Variants in ADAMTS17 observed in about 807,000 individuals in gnomAD.
ADAMTS17 encodes the protein A disintegrin and metalloproteinase with thrombospondin motifs 17.
ADAMTS17 carries 113 observed loss-of-function variants against 141.5 expected under a neutral mutation model. The observed-to-expected ratio is 0.80, with a 90% CI of 0.69 to 0.93. The LOEUF is 0.93. Among genes scored for constraint, ADAMTS17 ranks in the 40% least tolerant of loss-of-function variants. ADAMTS17 has a pLI of 0.00. For synonymous variants in ADAMTS17, 768 were observed against 630.6 expected, an observed-to-expected ratio of 1.22 and a Z score of -3.27; for missense variants, 1,659 against 1,517.9, an observed-to-expected ratio of 1.09 and a Z score of -1.54.
chr15:100,099,093 G>T (rs1040700936), intron 14 of ADAMTS17, among the ~76,000 whole-genome samples: 3 of 152,202 alleles, frequency 2.0e-5, no homozygotes, highest in African/African-American at 7.2e-5. Flanking sequence ...GTTTCCTCCA[G>T]CCCCAAAGAA....
At chr15:100,239,291 G>A (rs796634284) in intron 7 of ADAMTS17, among the ~76,000 whole-genome samples, 7 of 152,302 alleles carry the variant, frequency 4.6e-5, no homozygotes, top group East Asian at 1.9e-4. Flanking sequence ...AGACCATGAC[G>A]TTCTCAGCAG....
chr15:100,064,277 G>C (rs562082237), intron 15 of ADAMTS17, among the ~76,000 whole-genome samples: 1 of 152,126 alleles, frequency 6.6e-6, no homozygotes. Context: ...ATCCTCCCTC[G>C]TGACCTGCAG....
rs1302875991 is a variant in ADAMTS17, at chr15:99,973,707, T to A, written c.*695A>T. On this transcript the variant is annotated 3_prime_UTR_variant, in exon 22 of 22. Coordinates refer to ENST00000268070, the MANE Select transcript of ADAMTS17 (RefSeq NM_139057.4). The stretch of plus-strand genomic sequence containing the variant: ...ATTAGATGCTTCCCCAAACCCAGAC[T>A]CTCTTGGAACATTCTTCCCATGCGG... 2 of 154,790 alleles carry A rather than the reference T, an allele frequency of 1.3e-5. No individual in the cohort carries two copies. 9.6% of individuals were successfully genotyped at this position (154,790 alleles called of 1,614,324 possible).
chr15:100,254,700 T>C (rs112357954), intron 6 of ADAMTS17, among the ~76,000 whole-genome samples: 14,027 of 152,226 alleles, frequency 0.092, 1,236 homozygotes, highest in African/African-American at 0.23. Flanking sequence ...TGCAGGGACA[T>C]GGATGGAGCT....
intron 2 of ADAMTS17, among the ~76,000 whole-genome samples, chr15:100,337,209 C>T (rs2046233456): frequency 6.6e-6 from 1 of 152,216 alleles, no homozygotes; most frequent in African/African-American, 2.4e-5. Context: ...ACACTTGCTC[C>T]CCTATAAATT....
In ADAMTS17 at chr15:100,341,359, G is replaced by T; in HGVS notation, c.130C>A (p.Arg44Ser). The change falls in exon 2 of 22, where the codon CGC becomes AGC. Residue 44 changes from arginine (R) to serine (S), a missense_variant. Arg to Ser is a moderately radical substitution (Grantham distance 110). Coordinates refer to ENST00000268070, the MANE Select transcript of ADAMTS17 (RefSeq NM_139057.4). ...DVEVVLPWRV[R>S]PDDVHLPPLP... ...GGCGGCAGGTGCACGTCGTCGGGGC[G>T]CACCCGCCACGGGAGCACCACCTCC... 1 of 1,018,118 alleles carries T rather than the reference G, an allele frequency of 9.8e-7. No homozygotes were observed. Among genetic ancestry groups the T allele is most frequent in the Non-Finnish European group, 1.2e-6 (1 of 853,380 alleles). The allele number at this position is 1,018,118 out of a possible 1,614,324, so 63.1% of individuals were successfully genotyped here. A position where few individuals can be genotyped will look rare whatever the true frequency, so the allele number is the denominator to read the frequency against.
chr15:100,235,636 C>T lies in ADAMTS17; in HGVS notation c.1075+18500G>A, dbSNP rs1007898128. Among the ~76,000 whole-genome samples the T allele has an allele frequency of 7.2e-5, 11 of 152,336 alleles. 1 individual carries two copies. Among genetic ancestry groups the T allele is most frequent in the African/African-American group, 2.6e-4 (11 of 41,576 alleles). On this transcript the variant is annotated intron_variant, in intron 7 of 21. Transcript: ENST00000268070. The stretch of plus-strand genomic sequence containing the variant: ...ATTCCTCATACCTTCCCAGGTTTTG[C>T]TGATGCTGTGGTCTGGGATCACCCT...
At chr15:100,293,319 G>A (rs892476188) in intron 3 of ADAMTS17, among the ~76,000 whole-genome samples, 6 of 152,212 alleles carry the variant, frequency 3.9e-5, no homozygotes. Context: ...CTGGTCGGCA[G>A]GTGGTCCTGT....
At position 100,133,265 on chromosome 15, in the gene ADAMTS17, G is replaced by A. The variant is rs1408972532; in HGVS notation, c.1524C>T (p.Cys508=). 1 of 1,599,912 alleles carries A rather than the reference G, an allele frequency of 6.3e-7. No individual in the cohort carries two copies. Among genetic ancestry groups the A allele is most frequent in the Non-Finnish European group, 8.5e-7 (1 of 1,172,078 alleles). The part of the protein sequence containing the change: ...LWCLVEGDTS[C]KTKLDPPLDG... ...CCAGGGGAGGGTCCAGCTTGGTCTTGCAGGATGTGTCTCCTTCTACCAGGC... is the reference window on the plus strand; with the variant it reads ...CCAGGGGAGGGTCCAGCTTGGTCTTACAGGATGTGTCTCCTTCTACCAGGC... The change falls in exon 11 of 22, where the codon TGC becomes TGT. Residue 508 remains cysteine (C), a synonymous_variant. Transcript: ENST00000268070.
At chr15:99,987,707 T>C (rs2060618293) in intron 20 of ADAMTS17, among the ~76,000 whole-genome samples, 1 of 152,034 alleles carries the variant, frequency 6.6e-6, no homozygotes, top group Admixed American at 6.5e-5. Flanking sequence ...AGTAAGGACA[T>C]GGGGTCCCCA....
At chr15:100,217,199 AAC>A (rs1304781159) in intron 7 of ADAMTS17, among the ~76,000 whole-genome samples, 1 of 152,222 alleles carries the variant, frequency 6.6e-6, no homozygotes, top group African/African-American at 2.4e-5. Context: ...GCAGGCAAGG[AAC>A]AGTCTTTTCA....
intron 15 of ADAMTS17, among the ~76,000 whole-genome samples, chr15:100,072,526 C>A (rs1053929831): frequency 5.9e-5 from 9 of 151,940 alleles, no homozygotes; most frequent in African/African-American, 1.7e-4. Flanking sequence ...GCTACAGTAA[C>A]CAAAACAGCA....
intron 8 of ADAMTS17, among the ~76,000 whole-genome samples, chr15:100,160,739 T>A (rs2039652019): frequency 6.6e-6 from 1 of 151,920 alleles, no homozygotes; most frequent in African/African-American, 2.4e-5. Context: ...ATCAGCCGAG[T>A]GGGATTCTTG....
chr15:100,040,395 G>A (rs2031140540), intron 18 of ADAMTS17, among the ~76,000 whole-genome samples: 1 of 152,198 alleles, frequency 6.6e-6, no homozygotes, highest in Non-Finnish European at 1.5e-5. Context: ...GGCAGCGGCT[G>A]TTGTTGTTCT....
intron 6 of ADAMTS17, 133 bp downstream of exon 6, chr15:100,261,346 G>C (rs1724706904): frequency 4.8e-6 from 6 of 1,257,546 alleles, no homozygotes; most frequent in Non-Finnish European, 6.7e-6. Context: ...TACTAATGAG[G>C]AAACCAAAAC....
intron 8 of ADAMTS17, among the ~76,000 whole-genome samples, chr15:100,180,894 C>T (rs748120539): frequency 1.3e-5 from 2 of 152,186 alleles, no homozygotes; most frequent in African/African-American, 4.8e-5. Context: ...CTTGTCCTTC[C>T]CTTCAGGGCG....
At chr15:100,043,920 T>C (rs2031470808) in intron 18 of ADAMTS17, among the ~76,000 whole-genome samples, 1 of 152,264 alleles carries the variant, frequency 6.6e-6, no homozygotes, top group African/African-American at 2.4e-5. Context: ...CTTGATGTTA[T>C]CTATCGTAGG....
chr15:100,011,018 C>T lies in ADAMTS17; in HGVS notation c.2592-13429G>A, dbSNP rs185931645. The stretch of plus-strand genomic sequence containing the variant: ...GAATGTGCGCGTCTCCGGAAGCCGG[C>T]GGTTCTACGTGCAGAGAGGCCCCGC... On this transcript the variant is annotated intron_variant, in intron 18 of 21. Coordinates refer to ENST00000268070, the MANE Select transcript of ADAMTS17 (RefSeq NM_139057.4). Among the ~76,000 whole-genome samples, 348 of 152,060 alleles carry T rather than the reference C, an allele frequency of 2.3e-3. 2 individuals are homozygous for T. The highest frequency in any genetic ancestry group is 7.7e-3 in the African/African-American group (320 of 41,496).
In ADAMTS17 at chr15:99,972,243, T is replaced by A. The variant is rs1002181052; in HGVS notation, c.*2159A>T. ...TCCAGCCTGGGCAACAGAGGGAGAC[T>A]CTGTCTCAAAAAACAACACCGACAA... On this transcript the variant is annotated 3_prime_UTR_variant, in exon 22 of 22. Transcript: ENST00000268070. 6 of 148,002 alleles carry A rather than the reference T, an allele frequency of 4.1e-5. No individual in the cohort carries two copies. The highest frequency in any genetic ancestry group is 8.8e-5 in the Non-Finnish European group (6 of 68,072). The allele number at this position is 148,002 out of a possible 1,614,324, so 9.2% of individuals were successfully genotyped here. A position where few individuals can be genotyped will look rare whatever the true frequency, so the allele number is the denominator to read the frequency against.
Sources: gnomAD v4.1 joint callset for allele counts (sites outside exome capture counted in the v4.1 genomes callset) on GRCh38, gnomAD v4.1.1 for gene constraint, MANE v1.5 for transcripts, NCBI Gene and HGNC (gene_info 2026-07-23, HGNC 2026-07-21) for gene names.